EYA4: variants seen among roughly 807,000 people sequenced by gnomAD.
EYA4 encodes EYA transcriptional coactivator and phosphatase 4, also known as protein phosphatase EYA4.
EYA4 carries 31 observed loss-of-function variants against 87.9 expected under a neutral mutation model. The ratio of observed to expected loss-of-function variants is 0.35; its 90% CI spans 0.27 to 0.48. The LOEUF (loss-of-function observed/expected upper bound fraction) is 0.48, where lower values mean the gene tolerates loss of function less well. EYA4 is among the 20% of genes least tolerant of loss of function. The pLI, the probability that EYA4 is intolerant of heterozygous loss-of-function variation, is 0.99. For missense variants in EYA4, 678 were observed against 761.4 expected (o/e 0.89, Z 1.29); for synonymous variants, 263 against 270.6 (o/e 0.97, Z 0.28).
At chr6:133,494,870 G>T (rs1797499591) in intron 13 of EYA4, among the ~76,000 whole-genome samples, 2 of 151,878 alleles carry the variant, frequency 1.3e-5, no homozygotes, top group Admixed American at 1.3e-4. Flanking sequence ...ATAAATAAAA[G>T]AGTTTAATTG....
chr6:133,408,489 A>G (rs552871371), intron 3 of EYA4, among the ~76,000 whole-genome samples: 4 of 149,546 alleles, frequency 2.7e-5, no homozygotes, highest in African/African-American at 5.1e-5. Flanking sequence ...TCAGTTTTGG[A>G]AAAAAAAATT....
At position 133,529,909 on chromosome 6, in the gene EYA4, A is replaced by G. The variant is rs1270533757; in HGVS notation, c.*1104A>G. On this transcript the variant is annotated 3_prime_UTR_variant, in exon 20 of 20. Coordinates refer to ENST00000355286, the MANE Select transcript of EYA4 (RefSeq NM_004100.5). The stretch of plus-strand genomic sequence containing the variant: ...TGTAAGTTGCATAGAGGAGGATATT[A>G]TCATGCAAATCATGAGCAATTATCA... The G allele has an allele frequency of 1.0e-6, 1 of 984,984 alleles. No individual in the cohort carries two copies. The highest frequency in any genetic ancestry group is 1.1e-4 in the East Asian group (1 of 8,826). 61.0% of individuals were successfully genotyped at this position (984,984 alleles called of 1,614,324 possible). A position where few individuals can be genotyped will look rare whatever the true frequency, so the allele number is the denominator to read the frequency against.
intron 2 of EYA4, among the ~76,000 whole-genome samples, chr6:133,313,772 G>A (rs1371619748): frequency 5.3e-5 from 8 of 152,096 alleles, no homozygotes; most frequent in Admixed American, 5.2e-4. Flanking sequence ...TGTTAGAGTA[G>A]GACTTTGTTT....
chr6:133,313,825 A>G (rs189898307), intron 2 of EYA4, among the ~76,000 whole-genome samples: 402 of 152,304 alleles, frequency 2.6e-3, no homozygotes, highest in African/African-American at 9.3e-3. Context: ...TAAGCTGACT[A>G]TAGAGAAATC....
intron 2 of EYA4, among the ~76,000 whole-genome samples, chr6:133,369,047 TTAGA>T (rs967753480): frequency 2.0e-5 from 3 of 152,196 alleles, no homozygotes; most frequent in Non-Finnish European, 4.4e-5. Context: ...AAACTCAGTG[TTAGA>T]TAAACAAATT....
chr6:133,253,466 C>T (rs1454544088), intron 1 of EYA4, among the ~76,000 whole-genome samples: 2 of 152,104 alleles, frequency 1.3e-5, no homozygotes, highest in Non-Finnish European at 2.9e-5. Context: ...TATCTCCTTT[C>T]TCAGGTTGAT....
At chr6:133,343,784 G>A (rs556420868) in intron 2 of EYA4, among the ~76,000 whole-genome samples, 2 of 151,916 alleles carry the variant, frequency 1.3e-5, no homozygotes, top group Admixed American at 1.3e-4. Flanking sequence ...GGTTAAAGGA[G>A]GACTATGTTT....
At chr6:133,415,989 G>A (rs1789680978) in intron 3 of EYA4, among the ~76,000 whole-genome samples, 1 of 152,206 alleles carries the variant, frequency 6.6e-6, no homozygotes, top group African/African-American at 2.4e-5. Context: ...TTAAGGATAA[G>A]TTGGAGTCTG....
chr6:133,401,500 C>A (rs1047525961), intron 3 of EYA4, among the ~76,000 whole-genome samples: 4 of 152,020 alleles, frequency 2.6e-5, no homozygotes, highest in African/African-American at 2.4e-5. Context: ...TCACACGTAC[C>A]CTCAAAATGT....
chr6:133,381,785 A>G, intron 2 of EYA4, among the ~76,000 whole-genome samples: 1 of 152,216 alleles, frequency 6.6e-6, no homozygotes. Context: ...AGAAATAGAT[A>G]GCATGGCCTA....
chr6:133,465,410 G>C (rs73544946), intron 10 of EYA4, among the ~76,000 whole-genome samples: 3,456 of 152,156 alleles, frequency 0.023, 150 homozygotes, highest in African/African-American at 0.077. Context: ...CCTGACAGCT[G>C]CAACTTTTTG....
chr6:133,509,416 AC>A (rs1295157300), intron 14 of EYA4, among the ~76,000 whole-genome samples: 1 of 149,784 alleles, frequency 6.7e-6, no homozygotes, highest in African/African-American at 2.5e-5. Context: ...AAAAAAAAAA[AC>A]CGAACCATCT....
intron 11 of EYA4, among the ~76,000 whole-genome samples, chr6:133,479,829 A>G (rs1163264703): frequency 3.3e-5 from 5 of 152,176 alleles, no homozygotes; most frequent in African/African-American, 1.2e-4. Context: ...AACTTGTTAT[A>G]CTGTATCTCA....
intron 13 of EYA4, among the ~76,000 whole-genome samples, chr6:133,502,043 TTCTCTC>T (rs3836968): frequency 0.031 from 4,475 of 146,376 alleles, 243 homozygotes; most frequent in East Asian, 0.18. Flanking sequence ...CATCTTCCTC[TTCTCTC>T]TCTCTCTCTC....
At chr6:133,362,897 C>G (rs768977265) in intron 2 of EYA4, among the ~76,000 whole-genome samples, 1 of 152,252 alleles carries the variant, frequency 6.6e-6, no homozygotes, top group Non-Finnish European at 1.5e-5. Context: ...GCTGGGTTCT[C>G]TCTGTCCTGA....
At position 133,410,589 on chromosome 6, in the gene EYA4, C is replaced by CA. The variant is rs779978372; in HGVS notation, c.83+28161dup. Among the ~76,000 whole-genome samples the CA allele has an allele frequency of 2.7e-3, 352 of 129,176 alleles. 2 individuals carry two copies. The highest frequency in any genetic ancestry group is 4.3e-3 in the African/African-American group (159 of 37,006). The allele number at this position is 129,176 out of a possible 152,430, so 84.7% of individuals were successfully genotyped here. ...ATTGACTGAAAGAGCTCCTCCTAAC[C>CA]AAAAAAAAAAAAACTTCTGTATTTT... On this transcript the variant is annotated intron_variant, in intron 3 of 19. Coordinates refer to ENST00000355286, the MANE Select transcript of EYA4 (RefSeq NM_004100.5).
At chr6:133,267,233 A>T (rs1776291414) in intron 1 of EYA4, among the ~76,000 whole-genome samples, 1 of 152,234 alleles carries the variant, frequency 6.6e-6, no homozygotes, top group African/African-American at 2.4e-5. Flanking sequence ...AAGTATGTGA[A>T]ACCAAAAATG....
At chr6:133,445,184 C>A (rs561946778) in intron 3 of EYA4, among the ~76,000 whole-genome samples, 3 of 152,162 alleles carry the variant, frequency 2.0e-5, no homozygotes, top group African/African-American at 7.2e-5. Context: ...TAATATAACA[C>A]TTCATGCCAA....
intron 1 of EYA4, chr6:133,247,290 T>G (rs1485675426): frequency 6.6e-6 from 1 of 152,230 alleles, no homozygotes; most frequent in Non-Finnish European, 1.5e-5. Flanking sequence ...TATCAAGAAC[T>G]TATGACCAGA....
Sources: gnomAD v4.1 joint callset for allele counts (sites outside exome capture counted in the v4.1 genomes callset) on GRCh38, gnomAD v4.1.1 for gene constraint, MANE v1.5 for transcripts, NCBI Gene and HGNC (gene_info 2026-07-23, HGNC 2026-07-21) for gene names.